Variants in SYT16 observed in about 807,000 individuals in gnomAD.
SYT16 encodes synaptotagmin-16.
SYT16 carries 42 observed loss-of-function variants against 61.4 expected under a neutral mutation model. The observed-to-expected ratio is 0.68, with a 90% CI of 0.53 to 0.89. The LOEUF is 0.89. Ranked by LOEUF, SYT16 falls within the 40% of genes least tolerant of loss-of-function variation. The pLI is 0.00. For synonymous variants in SYT16, 314 were observed against 302.3 expected (o/e 1.04, Z -0.40); for missense variants, 804 against 807.3 (o/e 1.00, Z 0.05).
intron 1 of SYT16, among the ~76,000 whole-genome samples, chr14:61,869,223 A>G (rs546257353): frequency 2.0e-5 from 3 of 152,114 alleles, no homozygotes; most frequent in South Asian, 2.1e-4. Flanking sequence ...CTTTTATCCA[A>G]TTTTATAGTC....
intron 1 of SYT16, among the ~76,000 whole-genome samples, chr14:61,869,236 T>G (rs186108441): frequency 6.6e-6 from 1 of 152,130 alleles, no homozygotes; most frequent in Non-Finnish European, 1.5e-5. Context: ...TTATAGTCTG[T>G]TTTTTAGTTG....
At position 62,102,790 on chromosome 14, in the gene SYT16, T is replaced by A. The variant is rs2057446772; in HGVS notation, c.*2083T>A. 1 of 152,220 alleles carries A rather than the reference T, an allele frequency of 6.6e-6. No homozygotes were observed. Among genetic ancestry groups the A allele is most frequent in the South Asian group, 2.1e-4 (1 of 4,832 alleles). 9.4% of individuals were successfully genotyped at this position (152,220 alleles called of 1,614,324 possible). ...TTTCCCTCTCATATTTTCCTGCTGC[T>A]GCATCCTTGTTTCTTGGTACCCAAT... On this transcript the variant is annotated 3_prime_UTR_variant, in exon 8 of 8. Coordinates refer to ENST00000683842, the MANE Select transcript of SYT16 (RefSeq NM_001367656.1).
intron 2 of SYT16, among the ~76,000 whole-genome samples, chr14:61,979,693 C>CA (rs777502004): frequency 1.2e-4 from 18 of 152,220 alleles, no homozygotes; most frequent in Non-Finnish European, 2.6e-4. Context: ...ATCATCCTGG[C>CA]CAACATGGTG....
At chr14:62,041,367 G>C (rs906758958) in intron 3 of SYT16, among the ~76,000 whole-genome samples, 2 of 152,128 alleles carry the variant, frequency 1.3e-5, no homozygotes, top group African/African-American at 4.8e-5. Flanking sequence ...TTTGTGTTCT[G>C]TTCCTGGCTA....
chr14:61,932,503 A>G (rs764503887), intron 1 of SYT16, among the ~76,000 whole-genome samples: 2 of 152,164 alleles, frequency 1.3e-5, no homozygotes, highest in Admixed American at 6.5e-5. Context: ...AGGAGGAACT[A>G]TTAAACCTTA....
At chr14:62,094,464 A>G (rs982074873) in intron 7 of SYT16, among the ~76,000 whole-genome samples, 1 of 152,070 alleles carries the variant, frequency 6.6e-6, no homozygotes, top group African/African-American at 2.4e-5. Context: ...CAAACTCATT[A>G]GGCACATGTT....
chr14:62,048,134 A>C (rs2140876994), intron 3 of SYT16, among the ~76,000 whole-genome samples: 1 of 152,322 alleles, frequency 6.6e-6, no homozygotes, highest in Non-Finnish European at 1.5e-5. Context: ...TAAGCTATTA[A>C]TTATTGCCTC....
At chr14:62,070,889 G>A (rs1014904940) in intron 4 of SYT16, among the ~76,000 whole-genome samples, 2 of 152,130 alleles carry the variant, frequency 1.3e-5, no homozygotes, top group East Asian at 1.9e-4. Flanking sequence ...AGATAAAAAG[G>A]AGGGTGCAGA....
At chr14:61,950,218 T>C (rs2050614829) in intron 1 of SYT16, among the ~76,000 whole-genome samples, 1 of 152,182 alleles carries the variant, frequency 6.6e-6, no homozygotes, top group Non-Finnish European at 1.5e-5. Context: ...CTTTCAAAAA[T>C]TGTTTACGTC....
In SYT16 at chr14:62,112,422, T is replaced by C. The variant is rs1281296258; in HGVS notation, c.*11715T>C. 1 of 152,164 alleles carries C rather than the reference T, an allele frequency of 6.6e-6. No individual in the cohort carries two copies. The highest frequency in any genetic ancestry group is 1.5e-5 in the Non-Finnish European group (1 of 67,996). 9.4% of individuals were successfully genotyped at this position (152,164 alleles called of 1,614,324 possible). On this transcript the variant is annotated 3_prime_UTR_variant, in exon 8 of 8. Coordinates refer to ENST00000683842, the MANE Select transcript of SYT16 (RefSeq NM_001367656.1). Reference sequence around the variant, plus strand: ...TAAAACAGAAACATAGAAGAAGCATTAGCCCCAGTTTGTATAAAATGTCTG... The same window carrying C: ...TAAAACAGAAACATAGAAGAAGCATCAGCCCCAGTTTGTATAAAATGTCTG...
chr14:61,998,091 A>T (rs2052841754), intron 3 of SYT16, among the ~76,000 whole-genome samples: 1 of 152,012 alleles, frequency 6.6e-6, no homozygotes, highest in Non-Finnish European at 1.5e-5. Flanking sequence ...GAGAAAATTG[A>T]TGGTGAGAGA....
chr14:62,100,620 T>C lies in SYT16; in HGVS notation c.1851T>C (p.Ser617=). Reference sequence around the variant, plus strand: ...GGATTGCCCTGGGCCAGAACAGCAGTGGAGAGGAGGAACAAGATCACTGGG... The same window carrying C: ...GGATTGCCCTGGGCCAGAACAGCAGCGGAGAGGAGGAACAAGATCACTGGG... The part of the protein sequence containing the change: ...IGWIALGQNS[S]GEEEQDHWEE... Residue 617 remains serine (S), a synonymous_variant, in exon 8 of 8, where the codon AGT becomes AGC. Transcript: ENST00000683842. 5 of 1,613,698 alleles carry C rather than the reference T, an allele frequency of 3.1e-6. No homozygotes were observed. The highest frequency in any genetic ancestry group is 4.2e-6 in the Non-Finnish European group (5 of 1,179,796).
chr14:61,978,491 C>T (rs2051915809), intron 2 of SYT16, among the ~76,000 whole-genome samples: 1 of 152,172 alleles, frequency 6.6e-6, no homozygotes, highest in Non-Finnish European at 1.5e-5. Context: ...GATCTCAATT[C>T]TGGGAAGCTT....
At chr14:61,899,076 C>T (rs551128963) in intron 1 of SYT16, among the ~76,000 whole-genome samples, 4 of 152,220 alleles carry the variant, frequency 2.6e-5, no homozygotes, top group Admixed American at 6.5e-5. Flanking sequence ...ATATTTTGTG[C>T]TGGGTATTCT....
chr14:62,062,439 G>T (rs959815226), intron 3 of SYT16, among the ~76,000 whole-genome samples: 1 of 152,108 alleles, frequency 6.6e-6, no homozygotes, highest in African/African-American at 2.4e-5. Context: ...ATTGAAAAGG[G>T]TGCAGAGCCC....
intron 1 of SYT16, among the ~76,000 whole-genome samples, chr14:61,829,853 A>G (rs973639948): frequency 1.3e-5 from 2 of 151,794 alleles, no homozygotes; most frequent in Non-Finnish European, 2.9e-5. Context: ...ACGGGGTTTC[A>G]CCGTGTTAGC....
intron 1 of SYT16, among the ~76,000 whole-genome samples, chr14:61,876,314 G>C (rs1176491556): frequency 1.3e-5 from 2 of 152,150 alleles, no homozygotes; most frequent in Middle Eastern, 3.2e-3. Context: ...CAGCTTCCTC[G>C]CACTCACGCT....
At chr14:61,927,397 C>G (rs2049581138) in intron 1 of SYT16, among the ~76,000 whole-genome samples, 1 of 152,192 alleles carries the variant, frequency 6.6e-6, no homozygotes, top group South Asian at 2.1e-4. Flanking sequence ...TAAGAGAAAG[C>G]ACTTTTTTTA....
At chr14:61,863,258 G>A (rs73258403) in intron 1 of SYT16, among the ~76,000 whole-genome samples, 20,029 of 152,190 alleles carry the variant, frequency 0.13, 1,425 homozygotes, top group African/African-American at 0.18. Context: ...GAGAGTTCCT[G>A]TTGTTCCGCA....
Sources: allele counts gnomAD v4.1 joint callset (sites outside exome capture counted in the v4.1 genomes callset), GRCh38; gene constraint gnomAD v4.1.1; transcripts MANE v1.5; gene names NCBI Gene and HGNC (gene_info 2026-07-23, HGNC 2026-07-21).